Variants in PMFBP1 observed in about 807,000 individuals in gnomAD.
PMFBP1 encodes polyamine modulated factor 1 binding protein 1.
In PMFBP1, 131 loss-of-function variants were observed where a neutral mutation model predicts 137.8. The observed-to-expected ratio is 0.95, with a 90% CI of 0.82 to 1.10. The LOEUF (loss-of-function observed/expected upper bound fraction) is 1.10, where lower values mean the gene tolerates loss of function less well. Among genes scored for constraint, PMFBP1 ranks in the 50% least tolerant of loss-of-function variants. PMFBP1 has a pLI of 0.00. For synonymous variants in PMFBP1, 490 were observed against 450.4 expected (o/e 1.09, Z -1.11); for missense variants, 1,199 against 1,175.4 (o/e 1.02, Z -0.29).
Position 72,139,375 on chromosome 16 carries a change from T to C in PMFBP1, c.832A>G (p.Ile278Val). Residue 278 changes from isoleucine to valine, a missense_variant, in exon 7 of 21, where the codon ATA (isoleucine) becomes GTA (valine). Ile to Val is a conservative substitution (Grantham distance 29, BLOSUM62 3). Coordinates refer to ENST00000237353, the MANE Select transcript of PMFBP1 (RefSeq NM_031293.3). ...GAAGCAAAATCGGCTTGTAGTTTTA[T>C]CAAAGCCTTTTCACGCTCCAGAACC... ...ALVLEREKAL[I>V]KLQADFASCT... The C allele has an allele frequency of 1.2e-6, 2 of 1,614,098 alleles. No homozygotes were observed. Among genetic ancestry groups the C allele is most frequent in the Non-Finnish European group, 1.7e-6 (2 of 1,179,996 alleles).
chr16:72,234,026 T>A, the PMFBP1 span, among the ~76,000 whole-genome samples: 2 of 152,190 alleles, frequency 1.3e-5, no homozygotes, highest in Non-Finnish European at 2.9e-5. Flanking sequence ...CTATAAATAA[T>A]TTTGCTATGA....
chr16:72,128,331 G>A (rs2042492044), intron 14 of PMFBP1: 7 of 1,254,710 alleles, frequency 5.6e-6, no homozygotes, highest in Non-Finnish European at 7.2e-6. Context: ...GACAAGTTTT[G>A]GAAGTGTTCC....
At chr16:72,197,070 G>T in the PMFBP1 span, among the ~76,000 whole-genome samples, 3 of 152,150 alleles carry the variant, frequency 2.0e-5, no homozygotes, top group African/African-American at 7.2e-5. Flanking sequence ...AGGAAACACT[G>T]CCCCTTTGTA....
At chr16:72,166,469 T>C (rs2043146282) in intron 2 of PMFBP1, among the ~76,000 whole-genome samples, 1 of 152,192 alleles carries the variant, frequency 6.6e-6, no homozygotes, top group Non-Finnish European at 1.5e-5. Context: ...AGTAGTTCTT[T>C]ATGGCAGTGT....
At chr16:72,169,358 T>G (rs1439626945) in intron 2 of PMFBP1, among the ~76,000 whole-genome samples, 1 of 152,242 alleles carries the variant, frequency 6.6e-6, no homozygotes, top group African/African-American at 2.4e-5. Context: ...CTACAGTAAT[T>G]TTAAACACTA....
At chr16:72,165,014 A>C in intron 2 of PMFBP1, 98 bp from the exon 3 acceptor site, 1 of 1,317,968 alleles carries the variant, frequency 7.6e-7, no homozygotes, top group Non-Finnish European at 1.0e-6. Flanking sequence ...AATTTGCTGG[A>C]AATTTGTCCA....
intron 17 of PMFBP1, among the ~76,000 whole-genome samples, chr16:72,124,525 C>T (rs560173684): frequency 1.5e-4 from 23 of 152,320 alleles, no homozygotes; most frequent in African/African-American, 5.1e-4. Flanking sequence ...AGCTGGTGTA[C>T]CTGACAGTCT....
the PMFBP1 span, among the ~76,000 whole-genome samples, chr16:72,245,159 A>C: frequency 6.6e-6 from 1 of 152,174 alleles, no homozygotes; most frequent in Non-Finnish European, 1.5e-5. Flanking sequence ...GGGATTATTT[A>C]ATCAATTCTC....
intron 20 of PMFBP1, 192 bp downstream of exon 20, chr16:72,119,659 T>G: frequency 6.9e-7 from 1 of 1,447,148 alleles, no homozygotes; most frequent in South Asian, 1.5e-5. Flanking sequence ...GCTTCAGATG[T>G]TCTTAGATCA....
chr16:72,152,845 A>C (rs1321233397), intron 4 of PMFBP1, among the ~76,000 whole-genome samples: 4 of 41,604 alleles, frequency 9.6e-5, no homozygotes, highest in Admixed American at 6.9e-4. Context: ...ACTTCGTCTC[A>C]AAAAAAAAAA....
the PMFBP1 span, among the ~76,000 whole-genome samples, chr16:72,214,443 G>C: frequency 6.4e-3 from 980 of 152,272 alleles, 14 homozygotes; most frequent in African/African-American, 0.022. Flanking sequence ...CCAAAGTGCT[G>C]GGATTACAGG....
At chr16:72,200,503 G>A in the PMFBP1 span, among the ~76,000 whole-genome samples, 7 of 152,156 alleles carry the variant, frequency 4.6e-5, no homozygotes, top group African/African-American at 7.2e-5. Context: ...GAACATTCCC[G>A]CACACAGAGG....
the PMFBP1 span, among the ~76,000 whole-genome samples, chr16:72,186,976 G>C: frequency 6.6e-6 from 1 of 151,922 alleles, no homozygotes; most frequent in Non-Finnish European, 1.5e-5. Flanking sequence ...AGCTGGGCAT[G>C]GTGGTGTGCG....
the PMFBP1 span, among the ~76,000 whole-genome samples, chr16:72,194,084 C>T: frequency 4.6e-5 from 7 of 151,570 alleles, no homozygotes; most frequent in South Asian, 2.1e-4. Context: ...AGTAGTTCAG[C>T]GAGTTCATTA....
Position 72,125,301 on chromosome 16 carries a change from C to T in PMFBP1, c.2358G>A (p.Arg786=). Residue 786 remains arginine (R), a synonymous_variant, in exon 16 of 21, where the codon AGG becomes AGA. Transcript: ENST00000237353. ...TTAATTCCGTATTGAGCTTTTTCAT[C>T]CTTTCCTCATAAGCAATGATTTCCT... The part of the protein sequence containing the change: ...LEEEIIAYEE[R]MKKLNTELRK... 6.2e-7 allele frequency: 1 copy of T among 1,614,178 alleles called. No individual in the cohort carries two copies. Among genetic ancestry groups the T allele is most frequent in the South Asian group, 1.1e-5 (1 of 91,082 alleles).
At chr16:72,212,573 C>G in the PMFBP1 span, among the ~76,000 whole-genome samples, 1 of 151,560 alleles carries the variant, frequency 6.6e-6, no homozygotes, top group Non-Finnish European at 1.5e-5. Flanking sequence ...TACCAAAAAA[C>G]TTGCTTACTC....
At chr16:72,186,839 G>A in the PMFBP1 span, among the ~76,000 whole-genome samples, 1 of 152,012 alleles carries the variant, frequency 6.6e-6, no homozygotes, top group Non-Finnish European at 1.5e-5. Flanking sequence ...CAGGCTGGGC[G>A]AGGTGGCTCA....
At chr16:72,198,487 C>A in the PMFBP1 span, among the ~76,000 whole-genome samples, 2 of 152,202 alleles carry the variant, frequency 1.3e-5, no homozygotes, top group African/African-American at 2.4e-5. Flanking sequence ...CCTCTCCCTG[C>A]TGGATCCCGC....
chr16:72,139,906 T>C (rs1397212850), intron 6 of PMFBP1, among the ~76,000 whole-genome samples: 1 of 152,230 alleles, frequency 6.6e-6, no homozygotes, highest in East Asian at 1.9e-4. Flanking sequence ...CCTCTTCACT[T>C]ATTCTCCCTT....
Sources: allele counts gnomAD v4.1 joint callset (sites outside exome capture counted in the v4.1 genomes callset), GRCh38; gene constraint gnomAD v4.1.1; transcripts MANE v1.5; gene names NCBI Gene and HGNC (gene_info 2026-07-23, HGNC 2026-07-21).